The following RIF1 variants were observed in gnomAD, a reference collection of about 807,000 sequenced individuals.
RIF1 encodes the protein replication timing regulatory factor 1.
In RIF1, 45 loss-of-function variants were observed where a neutral mutation model predicts 247.1. The observed-to-expected ratio is 0.18, with a 90% confidence interval of 0.14 to 0.23. The LOEUF (loss-of-function observed/expected upper bound fraction) is 0.23. RIF1 is among the 10% of genes least tolerant of loss of function. The pLI is 1.00. For missense variants in RIF1, 2,967 were observed against 2,862.5 expected, an observed-to-expected ratio of 1.04 and a Z score of -0.83; for synonymous variants, 1,087 against 978.8, an observed-to-expected ratio of 1.11 and a Z score of -2.06.
chr2:151,527,427 G>T, the RIF1 span: 3 of 1,231,016 alleles, frequency 2.4e-6, no homozygotes, highest in Non-Finnish European at 3.5e-6. Flanking sequence ...ATTATTCATT[G>T]TATTTCTCAG....
the RIF1 span, chr2:151,531,173 GT>G: frequency 2.0e-6 from 2 of 1,008,112 alleles, no homozygotes; most frequent in South Asian, 1.4e-5. Flanking sequence ...TAAATGCAAA[GT>G]TTTTTCCTGA....
In RIF1 at chr2:151,502,794, G is replaced by A. The variant is rs202137113; in HGVS notation, c.*710-240G>A. 135 of 1,573,832 alleles carry A rather than the reference G, an allele frequency of 8.6e-5. No homozygotes were observed. The East Asian group carries it at 1.3e-3, about 15-fold the overall frequency. On this transcript the variant is annotated intron_variant and NMD_transcript_variant, in intron 11 of 13. Coordinates refer to the RIF1 transcript ENST00000454583. ...TTTTTTTGGCCCCCTAAGAAATACC[G>A]AGCTAAAGTTCTCTTGATTGCGTTT... is the stretch of plus-strand genomic sequence containing the variant.
At position 151,492,489 on chromosome 2, in the gene RIF1, A is replaced by C. The variant is rs1298212749; in HGVS notation, c.*416-2740A>C. ...TTTGTTTCCGGAAACTATCAGAATAAAGAACCTGATGCAGGAGAGACCGTG... is the reference window on the plus strand; with the variant it reads ...TTTGTTTCCGGAAACTATCAGAATACAGAACCTGATGCAGGAGAGACCGTG... On this transcript the variant is annotated intron_variant and NMD_transcript_variant, in intron 9 of 13. Transcript: ENST00000454583. 9 of 1,609,668 alleles carry C rather than the reference A, an allele frequency of 5.6e-6. No homozygotes were observed. The highest frequency in any genetic ancestry group is 1.7e-5 in the Admixed American group (1 of 59,970).
chr2:151,473,728 A>T (rs565368632), intron 34 of RIF1, among the ~76,000 whole-genome samples: 1 of 152,198 alleles, frequency 6.6e-6, no homozygotes, highest in African/African-American at 2.4e-5. Context: ...TGAGAAAACC[A>T]TTATGAAATA....
At chr2:151,447,578 C>T (rs1693537947) in intron 20 of RIF1, among the ~76,000 whole-genome samples, 1 of 152,210 alleles carries the variant, frequency 6.6e-6, no homozygotes, top group African/African-American at 2.4e-5. Context: ...CAGAGTCTCA[C>T]TCTGCTGCGC....
At chr2:151,426,675 T>G (rs1369301040) in intron 8 of RIF1, among the ~76,000 whole-genome samples, 1 of 151,944 alleles carries the variant, frequency 6.6e-6, no homozygotes, top group Non-Finnish European at 1.5e-5. Flanking sequence ...TTTTTGTTTT[T>G]TTTTTAAGAC....
intron 10 of RIF1, chr2:151,498,293 C>G (rs1236143165): frequency 6.4e-7 from 1 of 1,551,546 alleles, no homozygotes; most frequent in South Asian, 1.2e-5. Context: ...GTTTGACTCT[C>G]TGCATCTCAG....
the RIF1 span, chr2:151,525,108 TCTGG>T: frequency 8.2e-7 from 1 of 1,222,786 alleles, no homozygotes; most frequent in Non-Finnish European, 1.2e-6. Context: ...AATGCACCAA[TCTGG>T]GTTCCACTGC....
intron 9 of RIF1, among the ~76,000 whole-genome samples, chr2:151,488,361 T>C (rs2052927270): frequency 1.3e-5 from 2 of 151,938 alleles, no homozygotes; most frequent in African/African-American, 4.8e-5. Context: ...TTTAAAATAA[T>C]TGTGGCCGGG....
Position 151,464,366 on chromosome 2 carries a change from TCTC to T in RIF1, c.4848_4850del (p.Pro1617del), listed in dbSNP as rs556995982. The T allele has an allele frequency of 3.5e-4, 561 of 1,610,488 alleles. 4 individuals are homozygous for T. In the African/African-American group the frequency reaches 6.8e-3, roughly 20 times the overall value. On this transcript the variant is annotated inframe_deletion, in exon 30 of 36. Coordinates refer to ENST00000444746, the MANE Select transcript of RIF1 (RefSeq NM_018151.5). The stretch of plus-strand genomic sequence containing the variant: ...TTCTGAAGAAGATGTAAGCATAAAA[TCTC>T]CGATTTGCGAAAAACAAGATGAAAG...
chr2:151,527,060 A>AC, the RIF1 span: 1 of 1,376,248 alleles, frequency 7.3e-7, no homozygotes, highest in Non-Finnish European at 1.0e-6. Context: ...GGGAAGGGTG[A>AC]CAGCACAGGA....
chr2:151,492,702 G>A (rs1303585882), intron 9 of RIF1: 13 of 378,184 alleles, frequency 3.4e-5, no homozygotes, highest in Admixed American at 2.6e-4. Context: ...TTTTGACTTC[G>A]AAAATGAAAC....
In RIF1 at chr2:151,457,945, T is replaced by C; in HGVS notation, c.2837T>C (p.Val946Ala). The change falls in exon 24 of 36, where the codon GTT becomes GCT. Residue 946 changes from valine (V) to alanine (A), a missense_variant. By Grantham distance (64) the Val-to-Ala change is moderately conservative. This residue lies in a region of RIF1 where 2,028 missense variants were observed against 1,825.6 expected (regional missense o/e 1.11). Transcript: ENST00000444746. Reference protein sequence around the residue: ...NATFAKVMMLVYPEELKPVLT... With the variant: ...NATFAKVMMLAYPEELKPVLT... ...ACTTTTGCCAAAGTGATGATGTTGG[T>C]TTATCCTGAAGAGTTAAAGTATGCT... 1.2e-6 allele frequency: 2 copies of C among 1,613,500 alleles called. No individual in the cohort carries two copies. The highest frequency in any genetic ancestry group is 1.7e-6 in the Non-Finnish European group (2 of 1,179,576).
intron 9 of RIF1, chr2:151,490,151 A>C: frequency 7.9e-7 from 1 of 1,262,954 alleles, no homozygotes; most frequent in Non-Finnish European, 1.1e-6. Flanking sequence ...TTAGCAGCTG[A>C]GTGATGTCTT....
At chr2:151,460,175 A>C (rs543465552) in intron 26 of RIF1, 56 bp downstream of exon 26, 1 of 1,297,692 alleles carries the variant, frequency 7.7e-7, no homozygotes, top group Non-Finnish European at 1.0e-6. Flanking sequence ...TGTAACTTAC[A>C]TACAACTTTA....
At chr2:151,500,903 A>G (rs137932054) in intron 11 of RIF1, among the ~76,000 whole-genome samples, 1 of 152,004 alleles carries the variant, frequency 6.6e-6, no homozygotes, top group Non-Finnish European at 1.5e-5. Flanking sequence ...CTGGCCCCAA[A>G]TAAGATTTCT....
chr2:151,427,046 A>G (rs1266666710), intron 8 of RIF1, among the ~76,000 whole-genome samples: 2 of 151,644 alleles, frequency 1.3e-5, no homozygotes, highest in African/African-American at 2.4e-5. Context: ...TAGCTCTTAT[A>G]GCTAACTTGT....
In RIF1 at chr2:151,420,324, T is replaced by C. The variant is rs777213632; in HGVS notation, c.638T>C (p.Leu213Ser). 2.5e-6 allele frequency: 4 copies of C among 1,614,188 alleles called. No homozygotes were observed. The highest frequency in any genetic ancestry group is 3.4e-6 in the Non-Finnish European group (4 of 1,180,028). The change falls in exon 7 of 36, where the codon TTA (leucine) becomes TCA (serine). Residue 213 changes from leucine (L) to serine (S), a missense_variant. Physicochemically the swap from Leu to Ser is moderately radical, Grantham distance 145. Transcript: ENST00000444746. ...GATALEMGMPLLLQKQQEIAS... is the reference protein window; with the variant it reads ...GATALEMGMPSLLQKQQEIAS... ...ACTGCTCTGGAGATGGGAATGCCAT[T>C]ATTGCTTCAGAAACAGCAAGAAATA...
In RIF1 at chr2:151,494,078, A is replaced by G. The variant is rs2058532241; in HGVS notation, c.*416-1151A>G. 2.8e-5 allele frequency: 34 copies of G among 1,209,448 alleles called. No homozygotes were observed. In the South Asian group the frequency reaches 3.9e-4, roughly 14 times the overall value. 74.9% of individuals were successfully genotyped at this position (1,209,448 alleles called of 1,614,324 possible). On this transcript the variant is annotated intron_variant and NMD_transcript_variant, in intron 9 of 13. Transcript: ENST00000454583. ...TGTAACTGGCATTTTGTTTGTTTTT[A>G]ACCTGGGACAGGGTTAGGAGCAGGC...
Sources: gnomAD v4.1 joint callset for allele counts (sites outside exome capture counted in the v4.1 genomes callset) on GRCh38, gnomAD v4.1.1 for gene constraint, gnomAD v4.1.1 regional missense constraint, MANE v1.5 for transcripts, NCBI Gene and HGNC (gene_info 2026-07-23, HGNC 2026-07-21) for gene names.